NCKAP1: variants seen among roughly 807,000 people sequenced by gnomAD.
The protein encoded by NCKAP1 is nck-associated protein 1.
In NCKAP1, 21 loss-of-function variants were observed where a neutral mutation model predicts 151.2. That is an observed-to-expected ratio of 0.14 (90% CI 0.10 to 0.20). NCKAP1 has a LOEUF of 0.20. NCKAP1 is among the 10% of genes least tolerant of loss of function. The pLI, the probability that NCKAP1 is intolerant of heterozygous loss-of-function variation, is 1.00. For synonymous variants in NCKAP1, 484 were observed against 451.8 expected, an observed-to-expected ratio of 1.07 and a Z score of -0.90; for missense variants, 933 against 1,352.1, an observed-to-expected ratio of 0.69 and a Z score of 4.86.
intron 30 of NCKAP1, 114 bp downstream of exon 30, chr2:182,926,702 G>A (rs1167589367): frequency 9.5e-6 from 6 of 630,608 alleles, no homozygotes; most frequent in South Asian, 2.2e-5. Flanking sequence ...TGTGGCTTAC[G>A]TGAAGTGAAC....
intron 16 of NCKAP1, 114 bp from the exon 17 acceptor site, chr2:182,964,922 T>C: frequency 2.9e-6 from 2 of 698,628 alleles, no homozygotes; most frequent in Non-Finnish European, 4.4e-6. Flanking sequence ...AGCACTGATT[T>C]AAGAAGAGAA....
chr2:182,934,723 T>TA (rs749848660), intron 26 of NCKAP1, 29 bp downstream of exon 26: 7 of 1,147,446 alleles, frequency 6.1e-6, no homozygotes, highest in Non-Finnish European at 7.7e-6. Flanking sequence ...TTAGAGACTG[T>TA]AAACCCCAAC....
At chr2:182,998,830 C>A in intron 6 of NCKAP1, among the ~76,000 whole-genome samples, 1 of 68,826 alleles carries the variant, frequency 1.5e-5, no homozygotes. Context: ...GAGTAAGACT[C>A]CAACAAAAAA....
chr2:182,965,210 G>C (rs532883551), intron 16 of NCKAP1, among the ~76,000 whole-genome samples: 1 of 151,426 alleles, frequency 6.6e-6, no homozygotes, highest in Non-Finnish European at 1.5e-5. Flanking sequence ...GGGCAATGTG[G>C]TGAAACCCTG....
chr2:182,980,342 AT>A (rs1697913047), intron 13 of NCKAP1, among the ~76,000 whole-genome samples: 1 of 151,896 alleles, frequency 6.6e-6, no homozygotes, highest in African/African-American at 2.4e-5. Flanking sequence ...TCCTTATTAT[AT>A]TTTTAGGTTG....
rs1698930951 is a variant in NCKAP1 at position 183,028,036 on chromosome 2, A to G, written c.109-4120T>C. ...AGACTAATATATTTCAGAAAGGCTTACCAGAAAGACGTAATCAAAAGATTT... is the reference window on the plus strand; with the variant it reads ...AGACTAATATATTTCAGAAAGGCTTGCCAGAAAGACGTAATCAAAAGATTT... On this transcript the variant is annotated intron_variant, in intron 1 of 30. Coordinates refer to ENST00000361354, the MANE Select transcript of NCKAP1 (RefSeq NM_013436.5). 2.6e-5 allele frequency among the ~76,000 whole-genome samples: 4 copies of G among 152,306 alleles called. No homozygotes were observed. In the South Asian group the frequency reaches 8.3e-4, roughly 32 times the overall value.
At chr2:183,012,662 G>A (rs983064238) in intron 2 of NCKAP1, among the ~76,000 whole-genome samples, 2 of 147,638 alleles carry the variant, frequency 1.4e-5, no homozygotes, top group African/African-American at 5.0e-5. Flanking sequence ...CTCTGTCCCA[G>A]AGTGTAGTGG....
intron 29 of NCKAP1, 190 bp from the exon 30 acceptor site, chr2:182,927,095 A>T: frequency 2.1e-6 from 1 of 475,198 alleles, no homozygotes; most frequent in African/African-American, 2.1e-5. Context: ...TAAGGCACAA[A>T]GAGACACTAA....
intron 1 of NCKAP1, among the ~76,000 whole-genome samples, chr2:183,033,111 C>G (rs1699037697): frequency 6.6e-6 from 1 of 152,130 alleles, no homozygotes; most frequent in Non-Finnish European, 1.5e-5. Flanking sequence ...TTTAGCCTAG[C>G]CTACCTTAAA....
chr2:182,995,426 A>C (rs950773901), intron 7 of NCKAP1, among the ~76,000 whole-genome samples: 1 of 152,170 alleles, frequency 6.6e-6, no homozygotes, highest in Non-Finnish European at 1.5e-5. Context: ...TTTGCTTTAT[A>C]CTTCAAATTT....
At position 182,913,003 on chromosome 2, in the gene NCKAP1, T is replaced by G. The variant is rs1696419363; in HGVS notation, c.*12699A>C. ...GGCCATGGTTACTATCATTGAAACT[T>G]TCACTTGAGCCTCTGTTCAGTTTTG... On this transcript the variant is annotated 3_prime_UTR_variant, in exon 31 of 31. Transcript: ENST00000361354. 1 of 152,224 alleles carries G rather than the reference T, an allele frequency of 6.6e-6. No homozygotes were observed. The highest frequency in any genetic ancestry group is 2.4e-5 in the African/African-American group (1 of 41,450). The allele number at this position is 152,224 out of a possible 1,614,324, so 9.4% of individuals were successfully genotyped here.
rs766775833 is a variant in NCKAP1, at chr2:182,928,145, A to G, written c.3152T>C (p.Ile1051Thr). The change falls in exon 29 of 31, where the codon ATT (isoleucine) becomes ACT (threonine). Residue 1051 changes from isoleucine to threonine, a missense_variant. Physicochemically the swap from Ile to Thr is moderately conservative, Grantham distance 89. Transcript: ENST00000361354. ...CAGAAATTCTTTAAGACGGTCTTCA[A>G]TGCTTCCTTTGTGAATTGTAAACAA... is the stretch of plus-strand genomic sequence containing the variant. ...AALFTIHKGS[I>T]EDRLKEFLAL... The G allele has an allele frequency of 5.6e-6, 9 of 1,611,292 alleles. No homozygotes were observed. The East Asian group carries it at 2.0e-4, about 36-fold the overall frequency.
intron 30 of NCKAP1, 23 bp from the exon 31 acceptor site, chr2:182,925,841 C>T: frequency 7.5e-7 from 1 of 1,326,414 alleles, no homozygotes; most frequent in Non-Finnish European, 1.0e-6. Context: ...AAAAATCCAT[C>T]AAAACAAGTT....
rs147119371 is a variant in NCKAP1, at chr2:182,980,339, T to C, written c.1341+905A>G. Among the ~76,000 whole-genome samples the C allele has an allele frequency of 6.7e-3, 1,021 of 152,068 alleles. 8 individuals carry two copies. Among genetic ancestry groups the C allele is most frequent in the African/African-American group, 0.023 (939 of 41,556 alleles). ...TTACATGAACAATTTTTTTCCTTAT[T>C]ATATTTTTAGGTTGATTTGAAAAAA... On this transcript the variant is annotated intron_variant, in intron 13 of 30. Transcript: ENST00000361354.
intron 2 of NCKAP1, among the ~76,000 whole-genome samples, chr2:183,007,215 G>A (rs1698494310): frequency 6.6e-6 from 1 of 152,128 alleles, no homozygotes; most frequent in Non-Finnish European, 1.5e-5. Context: ...TGTGATACAT[G>A]CAAATATTTT....
In NCKAP1 at chr2:182,995,852, G is replaced by GA. The variant is rs753460487; in HGVS notation, c.604-15dup. On this transcript the variant is annotated splice_polypyrimidine_tract_variant and intron_variant, in intron 6 of 30. Coordinates refer to ENST00000361354, the MANE Select transcript of NCKAP1 (RefSeq NM_013436.5). ...ATCTGAAAGAGACTAATTAAAATAC[G>GA]AAAAAAAAGCTGAAGAATAATTTTC... 1.9e-5 allele frequency: 30 copies of GA among 1,589,606 alleles called. No individual in the cohort carries two copies. Among genetic ancestry groups the GA allele is most frequent in the African/African-American group, 2.7e-5 (2 of 73,854 alleles).
At chr2:182,927,741 T>C (rs1263817852) in intron 29 of NCKAP1, among the ~76,000 whole-genome samples, 1 of 152,006 alleles carries the variant, frequency 6.6e-6, no homozygotes, top group Non-Finnish European at 1.5e-5. Flanking sequence ...TGGCCTCAAT[T>C]TTCCTTTGCT....
chr2:182,988,622 A>G (rs1022017189), intron 9 of NCKAP1, among the ~76,000 whole-genome samples: 1 of 152,234 alleles, frequency 6.6e-6, no homozygotes, highest in African/African-American at 2.4e-5. Context: ...TGTAATGGTT[A>G]TAATTAATCC....
rs1306830808 is a variant in NCKAP1 at position 182,920,031 on chromosome 2, G to A, written c.*5671C>T. The A allele has an allele frequency of 1.3e-5, 2 of 152,236 alleles. No individual in the cohort carries two copies. The highest frequency in any genetic ancestry group is 4.8e-5 in the African/African-American group (2 of 41,390). The allele number at this position is 152,236 out of a possible 1,614,324, so 9.4% of individuals were successfully genotyped here. A position where few individuals can be genotyped will look rare whatever the true frequency, so the allele number is the denominator to read the frequency against. ...TATAATCATGGCTCACTGCAGCCTC[G>A]AACCACCCACTGCCGCCAACCCTCC... On this transcript the variant is annotated 3_prime_UTR_variant, in exon 31 of 31. Transcript: ENST00000361354.
Sources: gnomAD v4.1 joint callset for allele counts (sites outside exome capture counted in the v4.1 genomes callset) on GRCh38, gnomAD v4.1.1 for gene constraint, MANE v1.5 for transcripts, NCBI Gene and HGNC (gene_info 2026-07-23, HGNC 2026-07-21) for gene names.